SLC44A5: variants seen among roughly 807,000 people sequenced by gnomAD.
SLC44A5 encodes choline transporter-like protein 5.
Under a neutral mutation model 101.8 loss-of-function variants are expected in SLC44A5, and 57 were observed. That is an observed-to-expected ratio of 0.56 (90% CI 0.45 to 0.70). The LOEUF is 0.70. SLC44A5 is among the 30% of genes least tolerant of loss of function. The probability of loss-of-function intolerance (pLI) is 0.00; values close to 1 mark genes in which losing one functional copy is unlikely to be tolerated. For missense variants in SLC44A5, 737 were observed against 853.1 expected, an observed-to-expected ratio of 0.86 and a Z score of 1.70; for synonymous variants, 281 against 290.9, an observed-to-expected ratio of 0.97 and a Z score of 0.35.
At chr1:75,352,440 T>G (rs1249840) in intron 3 of SLC44A5, among the ~76,000 whole-genome samples, 46,622 of 150,932 alleles carry the variant, frequency 0.31, 7,824 homozygotes, top group Non-Finnish European at 0.39. Flanking sequence ...TGTTTTTTGT[T>G]TTTTTTTTAA....
intron 4 of SLC44A5, among the ~76,000 whole-genome samples, chr1:75,323,744 G>A (rs1656363556): frequency 6.6e-6 from 1 of 152,014 alleles, no homozygotes; most frequent in South Asian, 2.1e-4. Context: ...TTAGGTTTTG[G>A]CTTTACAGCT....
rs1182839093 is a variant in SLC44A5, at chr1:75,375,019, T to G, written c.52+21564A>C. 2.6e-5 allele frequency among the ~76,000 whole-genome samples: 4 copies of G among 152,304 alleles called. No homozygotes were observed. In the East Asian group the frequency reaches 7.7e-4, roughly 29 times the overall value. Reference sequence around the variant, plus strand: ...AATGGATCCTAACCAGATTGAAATGTCTGAAACAACTGACATAGAATTCAG... The same window carrying G: ...AATGGATCCTAACCAGATTGAAATGGCTGAAACAACTGACATAGAATTCAG... On this transcript the variant is annotated intron_variant, in intron 3 of 23. Transcript: ENST00000370859.
chr1:75,625,416 C>T, the SLC44A5 span, among the ~76,000 whole-genome samples: 1 of 152,098 alleles, frequency 6.6e-6, no homozygotes, highest in East Asian at 1.9e-4. Flanking sequence ...GTGGATTATG[C>T]CTTTCCAGAA....
At chr1:75,231,805 C>T (rs1179086830) in intron 12 of SLC44A5, among the ~76,000 whole-genome samples, 1 of 152,192 alleles carries the variant, frequency 6.6e-6, no homozygotes, top group East Asian at 1.9e-4. Flanking sequence ...AATAGATGCT[C>T]ATAAACCAAA....
chr1:75,367,660 G>T (rs1659950278), intron 3 of SLC44A5, among the ~76,000 whole-genome samples: 1 of 152,228 alleles, frequency 6.6e-6, no homozygotes, highest in African/African-American at 2.4e-5. Context: ...GGTGGATGGT[G>T]CTGGTGGCAA....
intron 2 of SLC44A5, among the ~76,000 whole-genome samples, chr1:75,448,264 T>A (rs114683581): frequency 2.0e-5 from 3 of 152,324 alleles, no homozygotes; most frequent in Non-Finnish European, 4.4e-5. Context: ...GTCTATCTTG[T>A]CCTAATGTTC....
chr1:75,576,969 A>G (rs978969961), intron 1 of SLC44A5, among the ~76,000 whole-genome samples: 3 of 152,240 alleles, frequency 2.0e-5, no homozygotes, highest in African/African-American at 7.2e-5. Context: ...CAAAATGTCC[A>G]AAACTGAATT....
chr1:75,583,919 T>A (rs987957156), intron 1 of SLC44A5, among the ~76,000 whole-genome samples: 2 of 152,164 alleles, frequency 1.3e-5, no homozygotes, highest in Admixed American at 1.3e-4. Flanking sequence ...TCCGGCCAAT[T>A]TTCAGTAATT....
At chr1:75,708,329 G>A in the SLC44A5 span, among the ~76,000 whole-genome samples, 79 of 138,796 alleles carry the variant, frequency 5.7e-4, no homozygotes, top group Non-Finnish European at 9.5e-4. Context: ...CAGGAGAATC[G>A]CTTGAACCCA....
At chr1:75,305,259 G>A (rs1330585846) in intron 4 of SLC44A5, among the ~76,000 whole-genome samples, 2 of 151,948 alleles carry the variant, frequency 1.3e-5, no homozygotes, top group Non-Finnish European at 2.9e-5. Flanking sequence ...TCTCTGATGT[G>A]TCTTTCATCC....
chr1:75,383,928 A>C (rs1438188425), intron 3 of SLC44A5, among the ~76,000 whole-genome samples: 3 of 152,044 alleles, frequency 2.0e-5, no homozygotes, highest in Admixed American at 6.5e-5. Flanking sequence ...AAGAATTGTC[A>C]ACCCAGAATT....
intron 2 of SLC44A5, among the ~76,000 whole-genome samples, chr1:75,531,496 T>A (rs1242043373): frequency 2.0e-5 from 3 of 152,188 alleles, no homozygotes; most frequent in Non-Finnish European, 4.4e-5. Flanking sequence ...CTGTGTTTCT[T>A]AAACTTCTAC....
chr1:75,352,854 C>A (rs527658964), intron 3 of SLC44A5, among the ~76,000 whole-genome samples: 1 of 152,092 alleles, frequency 6.6e-6, no homozygotes, highest in South Asian at 2.1e-4. Flanking sequence ...AACAATCTAA[C>A]GTTTTTGAAA....
At chr1:75,531,455 G>T (rs1037135333) in intron 2 of SLC44A5, among the ~76,000 whole-genome samples, 1 of 152,104 alleles carries the variant, frequency 6.6e-6, no homozygotes, top group Non-Finnish European at 1.5e-5. Context: ...TACCCTATAA[G>T]GTCAGGCATT....
intron 6 of SLC44A5, among the ~76,000 whole-genome samples, chr1:75,262,887 T>C (rs1335520679): frequency 6.6e-6 from 1 of 152,196 alleles, no homozygotes; most frequent in East Asian, 1.9e-4. Flanking sequence ...CTGGAAAGAA[T>C]TCCCAATTTA....
the SLC44A5 span, among the ~76,000 whole-genome samples, chr1:75,652,127 C>T: frequency 1.1e-4 from 17 of 152,232 alleles, 1 homozygote; most frequent in South Asian, 3.5e-3. Context: ...TGAGCACGTG[C>T]ACAATTTCAA....
the SLC44A5 span, among the ~76,000 whole-genome samples, chr1:75,661,377 C>T: frequency 6.6e-5 from 4 of 61,032 alleles, no homozygotes; most frequent in African/African-American, 2.9e-4. Context: ...AACTATGAAA[C>T]TACTGCAAGT....
intron 2 of SLC44A5, among the ~76,000 whole-genome samples, chr1:75,405,794 G>A (rs1177069183): frequency 6.9e-6 from 1 of 145,502 alleles, no homozygotes; most frequent in Admixed American, 6.8e-5. Flanking sequence ...ACAATTAAAC[G>A]AACTAGAGAA....
intron 1 of SLC44A5, among the ~76,000 whole-genome samples, chr1:75,591,263 T>C (rs1196785516): frequency 1.3e-5 from 2 of 151,986 alleles, no homozygotes. Context: ...TCACCTTCAC[T>C]AAAAGGAAGA....
Sources: gnomAD v4.1 joint callset for allele counts (sites outside exome capture counted in the v4.1 genomes callset) on GRCh38, gnomAD v4.1.1 for gene constraint, MANE v1.5 for transcripts, NCBI Gene and HGNC (gene_info 2026-07-23, HGNC 2026-07-21) for gene names.